The following NHS variants were observed in gnomAD, a reference collection of about 807,000 sequenced individuals.
The protein encoded by NHS is actin remodeling regulator NHS.
NHS carries 5 observed loss-of-function variants against 72.5 expected under a neutral mutation model. That is an observed-to-expected ratio of 0.07 (90% CI 0.04 to 0.14). The LOEUF is 0.14. Ranked by LOEUF, NHS falls within the 10% of genes least tolerant of loss-of-function variation. The pLI, the probability that NHS is intolerant of heterozygous loss-of-function variation, is 1.00. For missense variants in NHS, 1,072 were observed against 1,355.7 expected (o/e 0.79, Z 3.29); for synonymous variants, 464 against 547.7 (o/e 0.85, Z 2.13).
At chrX:17,385,373 G>T (rs1304886330) in intron 1 of NHS, among the ~76,000 whole-genome samples, 1 of 111,116 alleles carries the variant, frequency 9.0e-6, no homozygotes, top group African/African-American at 3.3e-5. Flanking sequence ...AATTGGCCGG[G>T]CATGATGGTA....
intron 1 of NHS, among the ~76,000 whole-genome samples, chrX:17,533,857 A>G (rs945939505): frequency 1.8e-5 from 2 of 112,487 alleles, no homozygotes; most frequent in Non-Finnish European, 3.8e-5. Flanking sequence ...TGAAGATTAC[A>G]TGACATAAAT....
At chrX:17,711,669 C>A (rs1380646324) in intron 3 of NHS, among the ~76,000 whole-genome samples, 1 of 111,730 alleles carries the variant, frequency 9.0e-6, no homozygotes, top group Non-Finnish European at 1.9e-5. Flanking sequence ...AAGCTTTGCT[C>A]ACTAGGGACA....
At chrX:17,382,316 A>G (rs750066220) in intron 1 of NHS, among the ~76,000 whole-genome samples, 2 of 111,723 alleles carry the variant, frequency 1.8e-5, no homozygotes, top group East Asian at 2.8e-4. Flanking sequence ...TGTCAGCTGT[A>G]TGTATTTCCA....
intron 1 of NHS, among the ~76,000 whole-genome samples, chrX:17,494,178 A>C (rs190596460): frequency 1.3e-4 from 14 of 103,796 alleles, no homozygotes; most frequent in African/African-American, 4.2e-4. Flanking sequence ...TCTTGGGTTC[A>C]AGCGATTCTC....
At chrX:17,462,825 A>C (rs1301873990) in intron 1 of NHS, among the ~76,000 whole-genome samples, 1 of 112,093 alleles carries the variant, frequency 8.9e-6, no homozygotes, top group Non-Finnish European at 1.9e-5. Context: ...CTCAATTTAC[A>C]GACATGGGGG....
intron 1 of NHS, among the ~76,000 whole-genome samples, chrX:17,427,013 G>C (rs950454834): frequency 8.9e-6 from 1 of 112,020 alleles, no homozygotes; most frequent in Non-Finnish European, 1.9e-5. Context: ...TTAATCTGCT[G>C]TCTATAACCC....
At chrX:17,612,447 G>T (rs1239392123) in intron 1 of NHS, among the ~76,000 whole-genome samples, 1 of 110,329 alleles carries the variant, frequency 9.1e-6, no homozygotes, top group Non-Finnish European at 1.9e-5. Context: ...CTGGGTGACA[G>T]GTCTCCCTTG....
At chrX:17,430,356 TCTTCTTTCTTTCTTTC>T (rs1390261458) in intron 1 of NHS, among the ~76,000 whole-genome samples, 1 of 96,222 alleles carries the variant, frequency 1.0e-5, no homozygotes, top group East Asian at 3.2e-4. Context: ...TCTTTCTTTT[TCTTCTTTCTTTCTTTC>T]CTTCTTTCTT....
At chrX:17,729,699 C>A (rs2066474697) in intron 8 of NHS, among the ~76,000 whole-genome samples, 1 of 111,836 alleles carries the variant, frequency 8.9e-6, no homozygotes, top group Non-Finnish European at 1.9e-5. Flanking sequence ...AAGAACAGAA[C>A]AGGAACTAGC....
chrX:17,669,647 G>A (rs772207306), intron 1 of NHS, among the ~76,000 whole-genome samples: 259 of 112,292 alleles, frequency 2.3e-3, no homozygotes, highest in Non-Finnish European at 3.8e-3. Flanking sequence ...GGACAACAGG[G>A]AAAGAAATGT....
chrX:17,375,309 A>C lies in NHS; in HGVS notation c.-449A>C. 3.5e-6 allele frequency: 1 copy of C among 286,044 alleles called. No homozygotes were observed. 23.6% of individuals were successfully genotyped at this position (286,044 alleles called of 1,213,427 possible). ...CGCGGGGAGAGGCCTGCGCCGGGGTACTTTCAAACTGAGGCGCGCGCACAC... is the reference window on the plus strand; with the variant it reads ...CGCGGGGAGAGGCCTGCGCCGGGGTCCTTTCAAACTGAGGCGCGCGCACAC... On this transcript the variant is annotated 5_prime_UTR_variant, in exon 1 of 9. Coordinates refer to ENST00000676302, the MANE Select transcript of NHS (RefSeq NM_001291867.2).
At chrX:17,629,164 G>A (rs1029872681) in intron 1 of NHS, among the ~76,000 whole-genome samples, 2 of 111,983 alleles carry the variant, frequency 1.8e-5, no homozygotes, top group African/African-American at 3.2e-5. Flanking sequence ...TCTGGGGTGA[G>A]GGGGAGAGGG....
chrX:17,693,888 CTGAGGCATTTGCTTTTAA>C (rs1218047929), intron 3 of NHS, among the ~76,000 whole-genome samples: 1 of 112,554 alleles, frequency 8.9e-6, no homozygotes, highest in East Asian at 2.8e-4. Context: ...AATCTGCTTG[CTGAGGCATTTGCTTTTAA>C]TGAGGCATTT....
intron 5 of NHS, among the ~76,000 whole-genome samples, chrX:17,723,786 CATGG>C (rs2066424190): frequency 1.0e-5 from 1 of 100,051 alleles, no homozygotes; most frequent in Admixed American, 1.1e-4. Context: ...CGCGTGCGCG[CATGG>C]GGAATGCAAG....
chrX:17,606,806 A>G (rs1401865387), intron 1 of NHS, among the ~76,000 whole-genome samples: 2 of 112,225 alleles, frequency 1.8e-5, no homozygotes, highest in East Asian at 5.6e-4. Context: ...GGCACGATTC[A>G]TACTGAGACT....
chrX:17,493,594 G>C (rs996173652), intron 1 of NHS, among the ~76,000 whole-genome samples: 1 of 111,453 alleles, frequency 9.0e-6, no homozygotes, highest in African/African-American at 3.3e-5. Flanking sequence ...GGATGGCTAG[G>C]CCCCCTGAAT....
At chrX:17,582,626 ACT>A (rs764072616) in intron 1 of NHS, among the ~76,000 whole-genome samples, 2 of 111,003 alleles carry the variant, frequency 1.8e-5, no homozygotes, top group South Asian at 4.0e-4. Flanking sequence ...ATACAACCTG[ACT>A]CTGCACAGAG....
intron 1 of NHS, among the ~76,000 whole-genome samples, chrX:17,511,676 C>T (rs1388075018): frequency 1.8e-5 from 2 of 111,993 alleles, no homozygotes; most frequent in East Asian, 5.6e-4. Flanking sequence ...AATCCCATCT[C>T]TTGTCTTCTT....
intron 1 of NHS, among the ~76,000 whole-genome samples, chrX:17,496,979 G>T (rs1238139879): frequency 1.8e-5 from 2 of 111,951 alleles, no homozygotes; most frequent in African/African-American, 3.2e-5. Context: ...TTGTGTCTGT[G>T]GTTCATAGCA....
Sources: allele counts gnomAD v4.1 joint callset (sites outside exome capture counted in the v4.1 genomes callset), GRCh38; gene constraint gnomAD v4.1.1; transcripts MANE v1.5; gene names NCBI Gene and HGNC (gene_info 2026-07-23, HGNC 2026-07-21).